Variants in MARCHF1 observed in about 807,000 individuals in gnomAD.
MARCHF1 encodes E3 ubiquitin-protein ligase MARCHF1.
In MARCHF1, 40 loss-of-function variants were observed where a neutral mutation model predicts 54.2. The observed-to-expected ratio is 0.74, with a 90% CI of 0.57 to 0.96. The LOEUF (loss-of-function observed/expected upper bound fraction) is 0.96. MARCHF1 is among the 40% of genes least tolerant of loss of function. MARCHF1 has a pLI of 0.00. For missense variants in MARCHF1, 586 were observed against 656.5 expected, an observed-to-expected ratio of 0.89 and a Z score of 1.17; for synonymous variants, 236 against 236.3, an observed-to-expected ratio of 1.00 and a Z score of 0.01.
chr4:164,143,015 A>C (rs77668016), intron 1 of MARCHF1, among the ~76,000 whole-genome samples: 124,589 of 148,800 alleles, frequency 0.84, 52,718 homozygotes, highest in Non-Finnish European at 0.89. Context: ...TCGAGAACTA[A>C]GTGAAGAATG....
intron 5 of MARCHF1, among the ~76,000 whole-genome samples, chr4:163,658,882 A>T (rs998389463): frequency 2.0e-5 from 3 of 151,920 alleles, no homozygotes; most frequent in Middle Eastern, 3.2e-3. Flanking sequence ...AGGTGCAGCA[A>T]ACCACTATGG....
intron 1 of MARCHF1, among the ~76,000 whole-genome samples, chr4:164,232,311 T>G (rs1732435323): frequency 6.6e-6 from 1 of 152,150 alleles, no homozygotes; most frequent in Admixed American, 6.5e-5. Context: ...TCACAATGAA[T>G]AAATATTATT....
intron 1 of MARCHF1, among the ~76,000 whole-genome samples, chr4:164,240,176 T>TC (rs772486313): frequency 6.6e-6 from 1 of 152,218 alleles, no homozygotes; most frequent in Non-Finnish European, 1.5e-5. Flanking sequence ...ACTGGAATGT[T>TC]CCTTTACTCT....
intron 1 of MARCHF1, among the ~76,000 whole-genome samples, chr4:164,361,907 T>A (rs1389191060): frequency 2.6e-5 from 4 of 152,254 alleles, no homozygotes; most frequent in African/African-American, 9.6e-5. Context: ...ATTTTAATCA[T>A]GTATTTCTAT....
At chr4:164,261,316 T>G (rs1464142157) in intron 1 of MARCHF1, among the ~76,000 whole-genome samples, 1 of 152,184 alleles carries the variant, frequency 6.6e-6, no homozygotes, top group Admixed American at 6.6e-5. Flanking sequence ...CTAAGGTAGA[T>G]ATGATCATTG....
At chr4:163,785,780 G>A (rs764699392) in intron 4 of MARCHF1, among the ~76,000 whole-genome samples, 1 of 151,960 alleles carries the variant, frequency 6.6e-6, no homozygotes, top group African/African-American at 2.4e-5. Context: ...CCTAGAAAAT[G>A]TCCACATCCA....
intron 4 of MARCHF1, among the ~76,000 whole-genome samples, chr4:163,725,140 T>G (rs1745613139): frequency 2.0e-5 from 3 of 152,344 alleles, no homozygotes; most frequent in South Asian, 2.1e-4. Context: ...TTCAGCCATC[T>G]TGGAACTACC....
intron 4 of MARCHF1, among the ~76,000 whole-genome samples, chr4:163,805,347 G>C (rs192195769): frequency 6.8e-6 from 1 of 147,800 alleles, no homozygotes; most frequent in Admixed American, 6.8e-5. Context: ...GAAAGTAAAA[G>C]AAATAAAATA....
At chr4:164,326,957 T>TTGTGTGTGTGTGTGTGTGTGTG (rs370504086) in intron 1 of MARCHF1, among the ~76,000 whole-genome samples, 80 of 133,718 alleles carry the variant, frequency 6.0e-4, no homozygotes, top group African/African-American at 2.3e-4. Flanking sequence ...GTTGTAAGGA[T>TTGTGTGTGTGTGTGTGTGTGTG]TGTGTGTGTG....
At chr4:164,334,279 G>C (rs1398556376) in intron 1 of MARCHF1, among the ~76,000 whole-genome samples, 1 of 152,172 alleles carries the variant, frequency 6.6e-6, no homozygotes, top group African/African-American at 2.4e-5. Context: ...AGAGAGAGAA[G>C]TCAATGCCTG....
intron 8 of MARCHF1, among the ~76,000 whole-genome samples, chr4:163,560,933 T>C (rs143270397): frequency 7.9e-5 from 12 of 152,312 alleles, no homozygotes; most frequent in Admixed American, 2.6e-4. Flanking sequence ...TCCATCATAT[T>C]TTCTACATAG....
intron 1 of MARCHF1, among the ~76,000 whole-genome samples, chr4:164,309,393 A>C (rs1734787746): frequency 6.6e-6 from 1 of 152,136 alleles, no homozygotes; most frequent in South Asian, 2.1e-4. Context: ...CCCCACTGAC[A>C]GAACCCTTCC....
chr4:163,760,817 C>T (rs147566091), intron 4 of MARCHF1, among the ~76,000 whole-genome samples: 3 of 152,300 alleles, frequency 2.0e-5, no homozygotes, highest in Admixed American at 6.5e-5. Flanking sequence ...GGTTAGCCAA[C>T]ATTTCATCTT....
intron 5 of MARCHF1, among the ~76,000 whole-genome samples, chr4:163,693,977 CA>C (rs1378017865): frequency 6.6e-6 from 1 of 152,138 alleles, no homozygotes. Flanking sequence ...GACACTTCAC[CA>C]GCAAGCCACT....
chr4:164,118,444 C>T (rs913927310), intron 1 of MARCHF1, among the ~76,000 whole-genome samples: 1 of 150,226 alleles, frequency 6.7e-6, no homozygotes, highest in Non-Finnish European at 1.5e-5. Context: ...TTTGTATAAA[C>T]ATATAAATAA....
intron 2 of MARCHF1, among the ~76,000 whole-genome samples, chr4:164,004,408 G>A (rs1041926264): frequency 1.3e-5 from 2 of 152,076 alleles, no homozygotes; most frequent in Admixed American, 6.6e-5. Context: ...AGAACCAAAA[G>A]TAGAAGTAAA....
chr4:163,560,516 C>T (rs1739434979), intron 8 of MARCHF1, among the ~76,000 whole-genome samples: 2 of 152,094 alleles, frequency 1.3e-5, no homozygotes, highest in Non-Finnish European at 2.9e-5. Flanking sequence ...CTTTTGCATT[C>T]CACTTGAAGT....
chr4:164,187,290 G>A (rs547601325), intron 1 of MARCHF1, among the ~76,000 whole-genome samples: 21 of 152,220 alleles, frequency 1.4e-4, no homozygotes, highest in African/African-American at 4.8e-4. Context: ...AGATGTTCCA[G>A]GGTGATAGAG....
At chr4:163,856,064 A>C (rs1442643006) in intron 3 of MARCHF1, among the ~76,000 whole-genome samples, 1 of 152,170 alleles carries the variant, frequency 6.6e-6, no homozygotes, top group South Asian at 2.1e-4. Flanking sequence ...GCACAACTCT[A>C]AGGTGACTGC....
Sources: allele counts gnomAD v4.1 joint callset (sites outside exome capture counted in the v4.1 genomes callset), GRCh38; gene constraint gnomAD v4.1.1; transcripts MANE v1.5; gene names NCBI Gene and HGNC (gene_info 2026-07-23, HGNC 2026-07-21).